ZRANB2: variants seen among roughly 807,000 people sequenced by gnomAD.
The protein encoded by ZRANB2 is zinc finger RANBP2-type containing 2.
In ZRANB2, 19 loss-of-function variants were observed where a neutral mutation model predicts 53.4. The observed-to-expected ratio is 0.36, with a 90% CI of 0.25 to 0.52. ZRANB2 has a LOEUF of 0.52. Ranked by LOEUF, ZRANB2 falls within the 20% of genes least tolerant of loss-of-function variation. The pLI is 0.93. For missense variants in ZRANB2, 309 were observed against 401.1 expected (o/e 0.77, Z 1.96); for synonymous variants, 145 against 134.8 (o/e 1.08, Z -0.52).
At position 71,065,152 on chromosome 1, in the gene ZRANB2, G is replaced by GGA; in HGVS notation, c.930-17_930-16dup. 1.9e-6 allele frequency: 3 copies of GGA among 1,594,612 alleles called. No homozygotes were observed. The highest frequency in any genetic ancestry group is 1.7e-6 in the Non-Finnish European group (2 of 1,163,864). On this transcript the variant is annotated splice_polypyrimidine_tract_variant and intron_variant, in intron 9 of 9. Transcript: ENST00000370920. ...ACCTGTGGCGTCTGTAAGACATAAT[G>GGA]GAGAGAGTAGGCATTCTAGTAAGCT... is the stretch of plus-strand genomic sequence containing the variant.
At chr1:71,071,983 T>G in intron 6 of ZRANB2, 138 bp downstream of exon 6, 1 of 1,282,240 alleles carries the variant, frequency 7.8e-7, no homozygotes, top group Non-Finnish European at 1.1e-6. Flanking sequence ...CTTGGCAGAG[T>G]GGAAATCCAA....
intron 1 of ZRANB2, among the ~76,000 whole-genome samples, chr1:71,079,192 T>C (rs1379648327): frequency 6.6e-6 from 1 of 151,972 alleles, no homozygotes; most frequent in Non-Finnish European, 1.5e-5. Flanking sequence ...ATATGATAGG[T>C]TGTACTGACT....
rs138260839 is a variant in ZRANB2 at position 71,070,881 on chromosome 1, T to C, written c.629A>G (p.His210Arg). ...GGATGAGCGTGATGAAGATCGTGAA[T>C]GTGAAGATCGAGACTTTGAGCGACT... The part of the protein sequence containing the change: ...RRSRSKSRSS[H>R]SRSSSRSSSP... Residue 210 changes from histidine (H) to arginine (R), a missense_variant, in exon 7 of 10, where the codon CAT (histidine) becomes CGT (arginine). By Grantham distance (29) the His-to-Arg change is conservative. Transcript: ENST00000370920. 52 of 1,610,840 alleles carry C rather than the reference T, an allele frequency of 3.2e-5. No homozygotes were observed. The highest frequency in any genetic ancestry group is 2.7e-4 in the Admixed American group (16 of 59,556).
At chr1:71,065,606 T>A in intron 9 of ZRANB2, 1 of 1,501,534 alleles carries the variant, frequency 6.7e-7, no homozygotes, top group Non-Finnish European at 8.9e-7. Context: ...GAAATCTAGG[T>A]CACACAAGAT....
At chr1:71,067,015 A>C in intron 8 of ZRANB2, 81 bp from the exon 9 acceptor site, 2 of 1,354,086 alleles carry the variant, frequency 1.5e-6, no homozygotes, top group Non-Finnish European at 2.0e-6. Context: ...ATAGCTCCAA[A>C]AATAAACAGG....
At chr1:71,077,014 A>T (rs1267422459) in intron 3 of ZRANB2, 137 bp from the exon 4 acceptor site, 1 of 694,150 alleles carries the variant, frequency 1.4e-6, no homozygotes, top group East Asian at 2.8e-5. Context: ...TAATGTAAAC[A>T]AAGAAAATGT....
At chr1:71,072,938 T>G (rs1246415563) in intron 4 of ZRANB2, among the ~76,000 whole-genome samples, 1 of 152,120 alleles carries the variant, frequency 6.6e-6, no homozygotes, top group African/African-American at 2.4e-5. Context: ...GTTTACCAAC[T>G]GCAAATAGTC....
At chr1:71,074,752 T>C (rs1056710147) in intron 4 of ZRANB2, among the ~76,000 whole-genome samples, 6 of 4,368 alleles carry the variant, frequency 1.4e-3, no homozygotes, top group Admixed American at 8.6e-3. Flanking sequence ...TTATGCAGGA[T>C]AAGCCAGCAG....
chr1:71,065,552 C>T, intron 9 of ZRANB2: 2 of 1,355,442 alleles, frequency 1.5e-6, no homozygotes, highest in Non-Finnish European at 1.9e-6. Flanking sequence ...AAAGATACAG[C>T]AAGGCTTCTG....
At chr1:71,074,151 A>G (rs1038736878) in intron 4 of ZRANB2, among the ~76,000 whole-genome samples, 6 of 152,106 alleles carry the variant, frequency 3.9e-5, no homozygotes, top group Non-Finnish European at 4.4e-5. Flanking sequence ...TAGCTTTCCT[A>G]AAGAGGACTT....
rs1215779029 is a variant in ZRANB2 at position 71,077,919 on chromosome 1, C to A, written c.218+538G>T. On this transcript the variant is annotated intron_variant, in intron 3 of 9. Coordinates refer to ENST00000370920, the MANE Select transcript of ZRANB2 (RefSeq NM_203350.3). ...TTTAATACTTTTTTGATTTAGACCT[C>A]TTTCATACACATAGGATTCATCTGC... 3.3e-5 allele frequency among the ~76,000 whole-genome samples: 5 copies of A among 152,226 alleles called. No individual in the cohort carries two copies. The East Asian group carries it at 9.6e-4, about 29-fold the overall frequency.
chr1:71,065,613 A>G (rs2101039195), intron 9 of ZRANB2: 1 of 1,523,744 alleles, frequency 6.6e-7, no homozygotes, highest in African/African-American at 1.4e-5. Flanking sequence ...AGGTCACACA[A>G]GATGATTGTA....
chr1:71,074,088 G>A (rs959834667), intron 4 of ZRANB2, among the ~76,000 whole-genome samples: 12 of 152,224 alleles, frequency 7.9e-5, no homozygotes, highest in Admixed American at 1.3e-4. Flanking sequence ...ACAGAAAGAA[G>A]AGTGTTTAAT....
intron 7 of ZRANB2, among the ~76,000 whole-genome samples, chr1:71,070,156 C>T (rs1661563582): frequency 6.6e-6 from 1 of 152,200 alleles, no homozygotes; most frequent in African/African-American, 2.4e-5. Context: ...CATGCCATCA[C>T]TTAACTGTGA....
At chr1:71,072,330 TTA>T in intron 5 of ZRANB2, 75 bp from the exon 6 acceptor site, 1 of 1,467,732 alleles carries the variant, frequency 6.8e-7, no homozygotes, top group Non-Finnish European at 9.2e-7. Flanking sequence ...AAAAATTATT[TTA>T]GATATTTATG....
intron 6 of ZRANB2, 117 bp downstream of exon 6, chr1:71,072,004 A>G: frequency 7.0e-7 from 1 of 1,428,040 alleles, no homozygotes; most frequent in Non-Finnish European, 9.3e-7. Context: ...AACCTTTGTG[A>G]GAACAAATGA....
intron 8 of ZRANB2, chr1:71,067,773 G>T (rs901866032): frequency 2.6e-6 from 1 of 377,816 alleles, no homozygotes; most frequent in African/African-American, 2.3e-5. Flanking sequence ...AATTATAATG[G>T]TTCCCAAAGG....
At chr1:71,077,552 T>C (rs1661735480) in intron 3 of ZRANB2, among the ~76,000 whole-genome samples, 1 of 152,164 alleles carries the variant, frequency 6.6e-6, no homozygotes. Flanking sequence ...ATCAGAAATT[T>C]ATTTAAGACT....
intron 3 of ZRANB2, among the ~76,000 whole-genome samples, chr1:71,078,063 AATCTAAC>A (rs1661748228): frequency 1.3e-5 from 2 of 152,144 alleles, no homozygotes; most frequent in Non-Finnish European, 1.5e-5. Flanking sequence ...ACAACTTATG[AATCTAAC>A]ATTATTTTGT....
Sources: gnomAD v4.1 joint callset for allele counts (sites outside exome capture counted in the v4.1 genomes callset) on GRCh38, gnomAD v4.1.1 for gene constraint, MANE v1.5 for transcripts, NCBI Gene and HGNC (gene_info 2026-07-23, HGNC 2026-07-21) for gene names.